Variants in CHMP3 observed in about 807,000 individuals in gnomAD.
The protein encoded by CHMP3 is charged multivesicular body protein 3.
In CHMP3, 8 loss-of-function variants were observed where a neutral mutation model predicts 27.4. That is an observed-to-expected ratio of 0.29 (90% CI 0.17 to 0.53). CHMP3 has a LOEUF of 0.53. CHMP3 is among the 20% of genes least tolerant of loss of function. CHMP3 has a pLI of 0.96. For missense variants in CHMP3, 208 were observed against 271.5 expected, an observed-to-expected ratio of 0.77 and a Z score of 1.64; for synonymous variants, 86 against 85.5, an observed-to-expected ratio of 1.01 and a Z score of -0.03.
intron 1 of CHMP3, among the ~76,000 whole-genome samples, chr2:86,557,742 C>T (rs922469277): frequency 3.9e-5 from 6 of 152,120 alleles, no homozygotes; most frequent in Non-Finnish European, 5.9e-5. Flanking sequence ...GTGACAAGAC[C>T]GAGACCGTCC....
rs1319160704 is a variant in CHMP3 at position 86,503,774 on chromosome 2, CAAAG to C, written c.*2026_*2029del. On this transcript the variant is annotated 3_prime_UTR_variant, in exon 6 of 6. Transcript: ENST00000263856. ...TATGGCGACAGTAAAAAGTGGTTGCCAAAGAAAGATCATGTCCTTTGCAGGAACA... is the reference window on the plus strand; with the variant it reads ...TATGGCGACAGTAAAAAGTGGTTGCCAAAGATCATGTCCTTTGCAGGAACA... 1 of 152,118 alleles carries C rather than the reference CAAAG, an allele frequency of 6.6e-6. No homozygotes were observed. Among genetic ancestry groups the C allele is most frequent in the Non-Finnish European group, 1.5e-5 (1 of 68,036 alleles). 9.4% of individuals were successfully genotyped at this position (152,118 alleles called of 1,614,324 possible). A position where few individuals can be genotyped will look rare whatever the true frequency, so the allele number is the denominator to read the frequency against.
intron 3 of CHMP3, among the ~76,000 whole-genome samples, chr2:86,521,751 A>G (rs1215634484): frequency 6.6e-6 from 1 of 152,230 alleles, no homozygotes; most frequent in Non-Finnish European, 1.5e-5. Context: ...TTGTTGTAGC[A>G]TAAGTCAGAA....
chr2:86,533,336 A>G (rs1270540054), intron 2 of CHMP3, among the ~76,000 whole-genome samples: 1 of 152,106 alleles, frequency 6.6e-6, no homozygotes, highest in Non-Finnish European at 1.5e-5. Flanking sequence ...GTTAAGGTGT[A>G]TACATTTTTT....
intron 4 of CHMP3, 95 bp downstream of exon 4, chr2:86,510,263 T>TC: frequency 6.6e-7 from 1 of 1,522,092 alleles, no homozygotes; most frequent in East Asian, 2.4e-5. Flanking sequence ...AGGTGTAGTC[T>TC]GTTCATCCCC....
chr2:86,551,116 G>C (rs777012091), intron 1 of CHMP3, among the ~76,000 whole-genome samples: 3 of 152,066 alleles, frequency 2.0e-5, no homozygotes, highest in Non-Finnish European at 4.4e-5. Flanking sequence ...CCTGGCAATT[G>C]GTTCTTAACT....
chr2:86,528,798 T>C (rs553891028), intron 3 of CHMP3, among the ~76,000 whole-genome samples: 47 of 152,290 alleles, frequency 3.1e-4, no homozygotes, highest in Admixed American at 5.2e-4. Flanking sequence ...AAGCATTAGG[T>C]AGGCAGAGAT....
chr2:86,507,714 C>T (rs893625522), intron 4 of CHMP3, 121 bp from the exon 5 acceptor site: 21 of 783,674 alleles, frequency 2.7e-5, no homozygotes, highest in Admixed American at 8.8e-5. Context: ...AGCTGACACA[C>T]GAGACAGCTG....
chr2:86,553,806 T>C (rs1573304726), intron 1 of CHMP3, among the ~76,000 whole-genome samples: 1 of 152,228 alleles, frequency 6.6e-6, no homozygotes, highest in African/African-American at 2.4e-5. Flanking sequence ...ATTCCAGAGA[T>C]GCAATATGAA....
rs547922190 is a variant in CHMP3 at position 86,563,441 on chromosome 2, G to A, written c.-93C>T. The A allele has an allele frequency of 2.7e-6, 4 of 1,489,020 alleles. No individual in the cohort carries two copies. Among genetic ancestry groups the A allele is most frequent in the Non-Finnish European group, 3.7e-6 (4 of 1,073,036 alleles). The allele number at this position is 1,489,020 out of a possible 1,614,324, so 92.2% of individuals were successfully genotyped here. ...CGCCTGGGCGGGGCCCGCGGAAAAG[G>A]AGGTAGTCCCAACCCCCAGAGTAGG... is the stretch of plus-strand genomic sequence containing the variant. On this transcript the variant is annotated 5_prime_UTR_variant, in exon 1 of 6. Coordinates refer to ENST00000263856, the MANE Select transcript of CHMP3 (RefSeq NM_016079.4).
chr2:86,531,692 A>G (rs896546293), intron 2 of CHMP3, among the ~76,000 whole-genome samples: 1 of 152,216 alleles, frequency 6.6e-6, no homozygotes, highest in African/African-American at 2.4e-5. Context: ...ATGGATATCC[A>G]GTTTTCCCAG....
intron 2 of CHMP3, among the ~76,000 whole-genome samples, chr2:86,533,369 T>G (rs1676000748): frequency 6.6e-6 from 1 of 152,248 alleles, no homozygotes; most frequent in Non-Finnish European, 1.5e-5. Flanking sequence ...GAACCAACTA[T>G]GGATTTTGTT....
intron 3 of CHMP3, 48 bp downstream of exon 3, chr2:86,529,170 C>T (rs778536056): frequency 1.3e-6 from 2 of 1,483,364 alleles, no homozygotes; most frequent in South Asian, 2.9e-5. Flanking sequence ...TTGATAATAA[C>T]AGCAACCCCG....
At chr2:86,551,553 G>A (rs980981540) in intron 1 of CHMP3, among the ~76,000 whole-genome samples, 4 of 152,064 alleles carry the variant, frequency 2.6e-5, no homozygotes, top group Non-Finnish European at 4.4e-5. Context: ...CACCATGCCC[G>A]GCCATGAACT....
intron 2 of CHMP3, among the ~76,000 whole-genome samples, chr2:86,536,420 C>T (rs1676143760): frequency 6.6e-6 from 1 of 151,472 alleles, no homozygotes; most frequent in South Asian, 2.1e-4. Flanking sequence ...TTACCTCTTG[C>T]AAGTCAGGTC....
At chr2:86,513,894 G>C (rs1454346296) in intron 3 of CHMP3, among the ~76,000 whole-genome samples, 1 of 152,204 alleles carries the variant, frequency 6.6e-6, no homozygotes, top group Non-Finnish European at 1.5e-5. Flanking sequence ...ACTTAGACTA[G>C]AGATAATTGG....
intron 1 of CHMP3, among the ~76,000 whole-genome samples, chr2:86,542,631 T>A (rs1235236125): frequency 2.6e-5 from 4 of 152,204 alleles, no homozygotes; most frequent in Non-Finnish European, 2.9e-5. Context: ...ACAGTTAGCT[T>A]TAAGAGCATC....
At chr2:86,554,802 A>AAT (rs1230151182) in intron 1 of CHMP3, among the ~76,000 whole-genome samples, 1 of 125,908 alleles carries the variant, frequency 7.9e-6, no homozygotes, top group African/African-American at 2.8e-5. Context: ...CAATAGAATA[A>AAT]ATGTGTGTGC....
intron 1 of CHMP3, among the ~76,000 whole-genome samples, chr2:86,556,435 T>C (rs1044296332): frequency 2.0e-5 from 3 of 152,200 alleles, no homozygotes; most frequent in Non-Finnish European, 4.4e-5. Context: ...TCTCTCACCA[T>C]TGTAGGAGAT....
At chr2:86,544,606 A>C (rs1676493474) in intron 1 of CHMP3, among the ~76,000 whole-genome samples, 1 of 152,104 alleles carries the variant, frequency 6.6e-6, no homozygotes. Context: ...ACCACCCTTA[A>C]TCCATTTAAC....
Sources: allele counts gnomAD v4.1 joint callset (sites outside exome capture counted in the v4.1 genomes callset), GRCh38; gene constraint gnomAD v4.1.1; transcripts MANE v1.5; gene names NCBI Gene and HGNC (gene_info 2026-07-23, HGNC 2026-07-21).